Variants in ADAMTS2 observed in about 807,000 individuals in gnomAD.
ADAMTS2 encodes A disintegrin and metalloproteinase with thrombospondin motifs 2.
Under a neutral mutation model 123.0 loss-of-function variants are expected in ADAMTS2, and 50 were observed. The ratio of observed to expected loss-of-function variants is 0.41; its 90% CI spans 0.32 to 0.51. The LOEUF is 0.51. ADAMTS2 is among the 20% of genes least tolerant of loss of function. ADAMTS2 has a pLI of 0.35. For synonymous variants in ADAMTS2, 678 were observed against 695.4 expected (o/e 0.98, Z 0.39); for missense variants, 1,494 against 1,705.2 (o/e 0.88, Z 2.18).
In ADAMTS2 at chr5:179,197,763, C is replaced by G. The variant is rs1209772086; in HGVS notation, c.891+9750G>C. Among the ~76,000 whole-genome samples the G allele has an allele frequency of 6.6e-6, 1 of 152,130 alleles. No homozygotes were observed. The highest frequency in any genetic ancestry group is 2.4e-5 in the African/African-American group (1 of 41,420). ...TACTTCCACAACGGCTCTGATCTTC[C>G]AAGGCATTCATCCCTGCCTCCCATT... is the stretch of plus-strand genomic sequence containing the variant. On this transcript the variant is annotated intron_variant, in intron 4 of 21. Transcript: ENST00000251582. The surrounding 1 kb of genome is among the most constrained non-coding windows in gnomAD (Gnocchi z 4.2).
chr5:179,299,747 C>G (rs1481710028), intron 2 of ADAMTS2, among the ~76,000 whole-genome samples: 1 of 151,918 alleles, frequency 6.6e-6, no homozygotes, highest in Non-Finnish European at 1.5e-5. Context: ...TCAAAGCCAG[C>G]ACCGGAGCAT....
chr5:179,296,928 G>T (rs749957602), intron 2 of ADAMTS2, among the ~76,000 whole-genome samples: 7 of 152,170 alleles, frequency 4.6e-5, no homozygotes, highest in Non-Finnish European at 1.0e-4. Context: ...ACACATGCCT[G>T]AAACATGCTA....
In ADAMTS2 at chr5:179,210,908, G is replaced by T. The variant is rs1283921418; in HGVS notation, c.689-3193C>A. Among the ~76,000 whole-genome samples the T allele has an allele frequency of 2.6e-5, 4 of 152,328 alleles. No homozygotes were observed. In the East Asian group the frequency reaches 7.7e-4, roughly 29 times the overall value. ...GTGCCACCTCAGTTTTTCCCACATT[G>T]GGCTTAACCCAGGCCATGAAGAGAC... On this transcript the variant is annotated intron_variant, in intron 3 of 21. Transcript: ENST00000251582.
chr5:179,221,683 G>T (rs1007195979), intron 3 of ADAMTS2, among the ~76,000 whole-genome samples: 1 of 152,142 alleles, frequency 6.6e-6, no homozygotes, highest in Admixed American at 6.5e-5. Context: ...ATGTGGGCGG[G>T]CAGCAGCCAG....
rs955501793 is a variant in ADAMTS2 at position 179,244,076 on chromosome 5, G to A, written c.688+28835C>T. 5.3e-5 allele frequency among the ~76,000 whole-genome samples: 8 copies of A among 152,284 alleles called. No homozygotes were observed. In the East Asian group the frequency reaches 1.5e-3, roughly 29 times the overall value. On this transcript the variant is annotated intron_variant, in intron 3 of 21. Coordinates refer to ENST00000251582, the MANE Select transcript of ADAMTS2 (RefSeq NM_014244.5). The stretch of plus-strand genomic sequence containing the variant: ...TGCACAATGGGAGTCCCAGAAAGAG[G>A]CAAGTGAGTATAAAGGAGCAGAAAA...
At chr5:179,136,671 CAAAA>C (rs34900361) in intron 12 of ADAMTS2, among the ~76,000 whole-genome samples, 6 of 59,092 alleles carry the variant, frequency 1.0e-4, no homozygotes, top group Admixed American at 2.1e-4. Context: ...GACTCCATCT[CAAAA>C]AAAAAAAAAA....
chr5:179,124,032 G>A (rs934801047), intron 19 of ADAMTS2, among the ~76,000 whole-genome samples: 5 of 152,220 alleles, frequency 3.3e-5, no homozygotes, highest in Non-Finnish European at 7.3e-5. Flanking sequence ...GGGCATTTCC[G>A]TGACCCCACT....
chr5:179,133,413 G>A (rs1296642111), intron 13 of ADAMTS2, among the ~76,000 whole-genome samples: 1 of 151,504 alleles, frequency 6.6e-6, no homozygotes, highest in Non-Finnish European at 1.5e-5. Flanking sequence ...GATTACAGGT[G>A]CCCACCACCA....
chr5:179,218,649 G>C (rs1403985749), intron 3 of ADAMTS2, among the ~76,000 whole-genome samples: 1 of 152,202 alleles, frequency 6.6e-6, no homozygotes, highest in African/African-American at 2.4e-5. Flanking sequence ...AGGGTGGGGA[G>C]GGGCTCCTGG....
At chr5:179,179,111 A>C (rs1763991911) in intron 5 of ADAMTS2, among the ~76,000 whole-genome samples, 1 of 151,996 alleles carries the variant, frequency 6.6e-6, no homozygotes, top group Admixed American at 6.6e-5. Context: ...CACCCGGCTA[A>C]TTTTTGTATT....
At position 179,137,837 on chromosome 5, in the gene ADAMTS2, C is replaced by A; in HGVS notation, c.1883G>T (p.Arg628Leu). The A allele has an allele frequency of 6.4e-7, 1 of 1,572,594 alleles. No individual in the cohort carries two copies. Among genetic ancestry groups the A allele is most frequent in the Non-Finnish European group, 8.6e-7 (1 of 1,160,532 alleles). The part of the protein sequence containing the change: ...SLADFREEQC[R>L]QWDLYFEHGD... The stretch of plus-strand genomic sequence containing the variant: ...GTGCTCGAAGTACAGGTCCCACTGG[C>A]GGCACTGCTCCTCGCGGAAGTCAGC... Residue 628 changes from arginine to leucine, a missense_variant, in exon 12 of 22, where the codon CGC becomes CTC. Around this residue, in one of 6 missense-constraint regions of ADAMTS2, gnomAD observed 953 missense variants for 1,124.7 expected, o/e 0.85. Transcript: ENST00000251582.
At chr5:179,139,848 G>T in intron 11 of ADAMTS2, 42 bp downstream of exon 11, 1 of 1,609,660 alleles carries the variant, frequency 6.2e-7, no homozygotes. Flanking sequence ...TGGACCCTCA[G>T]CTGCCACTCA....
intron 13 of ADAMTS2, among the ~76,000 whole-genome samples, chr5:179,134,662 C>G (rs1453263984): frequency 6.6e-6 from 1 of 152,208 alleles, no homozygotes; most frequent in African/African-American, 2.4e-5. Flanking sequence ...GCTGTATAGC[C>G]CAGCCTCCCG....
Position 179,129,988 on chromosome 5 carries a change from C to T in ADAMTS2, c.2401G>A (p.Asp801Asn). 1 of 1,614,114 alleles carries T rather than the reference C, an allele frequency of 6.2e-7. No homozygotes were observed. Among genetic ancestry groups the T allele is most frequent in the Non-Finnish European group, 8.5e-7 (1 of 1,180,028 alleles). The part of the protein sequence containing the change: ...MGVEWEYRDE[D>N]GRETLQTMGP... Reference sequence around the variant, plus strand: ...ATGGTCTGCAGCGTCTCCCGGCCGTCCTCGTCTCTGTACTCCCACTCCACG... The same window carrying T: ...ATGGTCTGCAGCGTCTCCCGGCCGTTCTCGTCTCTGTACTCCCACTCCACG... Residue 801 changes from aspartate (D) to asparagine (N), a missense_variant, in exon 16 of 22, where the codon GAC becomes AAC. Physicochemically the swap from Asp to Asn is conservative, Grantham distance 23 (BLOSUM62 1). Coordinates refer to ENST00000251582, the MANE Select transcript of ADAMTS2 (RefSeq NM_014244.5). This position sits in a 1 kb window ranked among gnomAD's most constrained non-coding sequence, Gnocchi z 4.1.
intron 2 of ADAMTS2, among the ~76,000 whole-genome samples, chr5:179,274,859 A>T (rs887912997): frequency 1.3e-5 from 2 of 152,246 alleles, no homozygotes; most frequent in Non-Finnish European, 2.9e-5. Flanking sequence ...AGAGCCCAGC[A>T]TCAGGCCTGG....
chr5:179,257,853 C>G (rs780538976), intron 3 of ADAMTS2, among the ~76,000 whole-genome samples: 14 of 152,288 alleles, frequency 9.2e-5, no homozygotes, highest in Non-Finnish European at 1.3e-4. Context: ...AACCCTTACA[C>G]GGCTTTCACA....
rs368959910 is a variant in ADAMTS2 at position 179,128,136 on chromosome 5, C to A, written c.2458-18G>T. ...GGGATGACCTGTGCCAGCCCAAGAG[C>A]CTTGATGTGCCTGACCTGCCCTCCA... is the stretch of plus-strand genomic sequence containing the variant. On this transcript the variant is annotated intron_variant, in intron 16 of 21. Coordinates refer to ENST00000251582, the MANE Select transcript of ADAMTS2 (RefSeq NM_014244.5). The surrounding 1 kb of genome is among the most constrained non-coding windows in gnomAD (Gnocchi z 4.9). 11 of 1,611,904 alleles carry A rather than the reference C, an allele frequency of 6.8e-6. No individual in the cohort carries two copies. In the African/African-American group the frequency reaches 1.2e-4, roughly 18 times the overall value.
intron 12 of ADAMTS2, among the ~76,000 whole-genome samples, chr5:179,137,522 G>A (rs749902850): frequency 6.6e-6 from 1 of 152,218 alleles, no homozygotes; most frequent in South Asian, 2.1e-4. Flanking sequence ...CCCGCAGCCC[G>A]GCCACCTCTT....
At chr5:179,153,122 T>A (rs1763394068) in intron 9 of ADAMTS2, among the ~76,000 whole-genome samples, 1 of 148,614 alleles carries the variant, frequency 6.7e-6, no homozygotes, top group South Asian at 2.1e-4. Context: ...GGCCTCTGCG[T>A]CCGTGGCCTC....
Sources: gnomAD v4.1 joint callset for allele counts (sites outside exome capture counted in the v4.1 genomes callset) on GRCh38, gnomAD v4.1.1 for gene constraint, gnomAD v4.1.1 regional missense constraint, Gnocchi (gnomAD v3.1) non-coding constraint, MANE v1.5 for transcripts, NCBI Gene and HGNC (gene_info 2026-07-23, HGNC 2026-07-21) for gene names.